Variants in LETM1 observed in about 807,000 individuals in gnomAD.
The protein encoded by LETM1 is leucine zipper and EF-hand containing transmembrane protein 1.
A neutral mutation model predicts 74.5 loss-of-function variants in LETM1; 50 were observed. The observed-to-expected ratio is 0.67, with a 90% CI of 0.53 to 0.85. The LOEUF is 0.85. Among genes scored for constraint, LETM1 ranks in the 40% least tolerant of loss-of-function variants. The probability of loss-of-function intolerance (pLI) is 0.00; values close to 1 mark genes in which losing one functional copy is unlikely to be tolerated. For synonymous variants in LETM1, 446 were observed against 407.1 expected, an observed-to-expected ratio of 1.10 and a Z score of -1.15; for missense variants, 824 against 967.8, an observed-to-expected ratio of 0.85 and a Z score of 1.97.
intron 6 of LETM1, among the ~76,000 whole-genome samples, chr4:1,829,537 AG>A (rs1443674051): frequency 3.3e-5 from 5 of 152,278 alleles, no homozygotes; most frequent in Non-Finnish European, 5.9e-5. Context: ...GTTCTTGGCC[AG>A]GAACAGTGGC....
rs1050834316 is a variant in LETM1, at chr4:1,823,917, C to G, written c.1201-142G>C. 3.0e-5 allele frequency: 30 copies of G among 983,966 alleles called. No individual in the cohort carries two copies. In the African/African-American group the frequency reaches 4.9e-4, roughly 16 times the overall value. The allele number at this position is 983,966 out of a possible 1,614,324, so 61.0% of individuals were successfully genotyped here. ...ACAAGGTCTGTTTGTTGCTGTGCTG[C>G]GTGACCCGATGACGGCGTTAGTAAA... On this transcript the variant is annotated intron_variant, in intron 7 of 13. Transcript: ENST00000302787.
At position 1,816,729 on chromosome 4, in the gene LETM1, C is replaced by T. The variant is rs181682155; in HGVS notation, c.1929G>A (p.Thr643=). The change falls in exon 12 of 14, where the codon ACG becomes ACA. Residue 643 remains threonine (T), a splice_region_variant and synonymous_variant. Transcript: ENST00000302787. ...CCCGCGCCCACCACCCCACTCACCC[C>T]GTGGGCATGCCGTTGGCCGGGGCCA... is the stretch of plus-strand genomic sequence containing the variant. ...GKLAPANGMP[T]GENVISVAEL... The T allele has an allele frequency of 2.4e-5, 38 of 1,613,844 alleles. No individual in the cohort carries two copies. Among genetic ancestry groups the T allele is most frequent in the East Asian group, 2.2e-4 (10 of 44,872 alleles).
Position 1,820,068 on chromosome 4 carries a change from C to T in LETM1, c.1609-596G>A, listed in dbSNP as rs561818858. 3.9e-5 allele frequency among the ~76,000 whole-genome samples: 6 copies of T among 152,318 alleles called. 1 individual carries two copies. Among genetic ancestry groups the T allele is most frequent in the African/African-American group, 1.2e-4 (5 of 41,566 alleles). On this transcript the variant is annotated intron_variant, in intron 10 of 13. Transcript: ENST00000302787. ...TCTCCTGCCTCAGCCTCCCCAGGAGCTGGGACTACAGGCACACACTGACAT... is the reference window on the plus strand; with the variant it reads ...TCTCCTGCCTCAGCCTCCCCAGGAGTTGGGACTACAGGCACACACTGACAT...
chr4:1,855,893 G>A lies in LETM1; in HGVS notation c.58C>T (p.Pro20Ser). Residue 20 changes from proline (P) to serine (S), a missense_variant, in exon 1 of 14, where the codon CCG becomes TCG. Pro to Ser is a moderately conservative substitution (Grantham distance 74). This residue lies in a region of LETM1 where 222 missense variants were observed against 195.6 expected (regional missense o/e 1.14). Coordinates refer to ENST00000302787, the MANE Select transcript of LETM1 (RefSeq NM_012318.3). ...CCCCGCGGGACGGTGTACCGAGGCG[G>A]CGGCGGGAGGCGGGCGGGCGCCCGG... ...RGRAPARLPP[P>S]PRYTVPRGSP... The A allele has an allele frequency of 8.1e-7, 1 of 1,239,706 alleles. No homozygotes were observed. Among genetic ancestry groups the A allele is most frequent in the Non-Finnish European group, 1.0e-6 (1 of 994,598 alleles). 76.8% of individuals were successfully genotyped at this position (1,239,706 alleles called of 1,614,324 possible). A position where few individuals can be genotyped will look rare whatever the true frequency, so the allele number is the denominator to read the frequency against.
At chr4:1,821,042 C>T (rs1328139168) in intron 10 of LETM1, among the ~76,000 whole-genome samples, 1 of 152,056 alleles carries the variant, frequency 6.6e-6, no homozygotes, top group Non-Finnish European at 1.5e-5. Context: ...AAATTCAAGC[C>T]AATTTGCATT....
intron 2 of LETM1, among the ~76,000 whole-genome samples, chr4:1,842,378 T>C (rs1243540101): frequency 6.6e-6 from 1 of 152,120 alleles, no homozygotes; most frequent in African/African-American, 2.4e-5. Flanking sequence ...CCTCCTCCTC[T>C]ACCCACCTGC....
intron 3 of LETM1, among the ~76,000 whole-genome samples, chr4:1,840,065 C>CA (rs1363196622): frequency 6.6e-6 from 1 of 152,162 alleles, no homozygotes; most frequent in Non-Finnish European, 1.5e-5. Flanking sequence ...TATGTACCCA[C>CA]AAAAACAAAA....
At chr4:1,814,820 A>G (rs1242284491) in intron 13 of LETM1, among the ~76,000 whole-genome samples, 1 of 152,146 alleles carries the variant, frequency 6.6e-6, no homozygotes, top group East Asian at 1.9e-4. Context: ...AGACAGCACA[A>G]TGGGGCTGCC....
At chr4:1,825,807 C>T (rs913878700) in intron 6 of LETM1, 124 bp from the exon 7 acceptor site, 4 of 1,129,952 alleles carry the variant, frequency 3.5e-6, no homozygotes, top group African/African-American at 1.5e-5. Context: ...CCACGGCCAC[C>T]AAAGCCCAGT....
chr4:1,821,274 A>G (rs1276976194), intron 10 of LETM1, among the ~76,000 whole-genome samples: 1 of 151,752 alleles, frequency 6.6e-6, no homozygotes, highest in African/African-American at 2.4e-5. Context: ...TTGTATTTTT[A>G]GTAGAAATGG....
chr4:1,838,257 G>A (rs937805197), intron 3 of LETM1, among the ~76,000 whole-genome samples: 3 of 151,526 alleles, frequency 2.0e-5, no homozygotes, highest in South Asian at 2.1e-4. Flanking sequence ...CCGCCACCAC[G>A]ACCGGCTAAT....
chr4:1,826,863 G>C (rs941300076), intron 6 of LETM1, among the ~76,000 whole-genome samples: 1 of 152,206 alleles, frequency 6.6e-6, no homozygotes, highest in Admixed American at 6.5e-5. Context: ...TGGGGATCAC[G>C]ATACACAATC....
intron 2 of LETM1, chr4:1,846,375 T>G (rs1329286216): frequency 6.6e-6 from 1 of 152,170 alleles, no homozygotes; most frequent in Non-Finnish European, 1.5e-5. Flanking sequence ...CAAGCAATTC[T>G]CCTGCCTCAG....
intron 6 of LETM1, among the ~76,000 whole-genome samples, chr4:1,830,838 C>T (rs540896273): frequency 6.6e-6 from 1 of 152,266 alleles, no homozygotes; most frequent in East Asian, 1.9e-4. Flanking sequence ...CTGATACCTT[C>T]CTGCTTCTTG....
Position 1,823,025 on chromosome 4 carries a change from T to C in LETM1, c.1439A>G (p.His480Arg). Residue 480 changes from histidine to arginine, a missense_variant, in exon 9 of 14, where the codon CAC (histidine) becomes CGC (arginine). Physicochemically the swap from His to Arg is conservative, Grantham distance 29. Transcript: ENST00000302787. The stretch of plus-strand genomic sequence containing the variant: ...GCGCTTCTGCAGCTCCTTCTCACGG[T>C]GCTCCTGCTGGATGGCCGCCTCCTC... ...LQEEAAIQQE[H>R]REKELQKRSE... 4 of 1,608,016 alleles carry C rather than the reference T, an allele frequency of 2.5e-6. No individual in the cohort carries two copies. Among genetic ancestry groups the C allele is most frequent in the Non-Finnish European group, 3.4e-6 (4 of 1,176,652 alleles).
At chr4:1,835,061 C>A in intron 4 of LETM1, 79 bp from the exon 5 acceptor site, 1 of 1,387,662 alleles carries the variant, frequency 7.2e-7, no homozygotes. Flanking sequence ...CGCCTGTGCC[C>A]GACCCCCACT....
At chr4:1,837,589 T>C (rs756872726) in intron 3 of LETM1, among the ~76,000 whole-genome samples, 18 of 152,194 alleles carry the variant, frequency 1.2e-4, no homozygotes, top group Admixed American at 2.6e-4. Flanking sequence ...TTTTAGCAGT[T>C]CTACTGAGGT....
At chr4:1,824,190 G>A (rs973149128) in intron 7 of LETM1, among the ~76,000 whole-genome samples, 8 of 152,218 alleles carry the variant, frequency 5.3e-5, no homozygotes, top group African/African-American at 1.9e-4. Flanking sequence ...GTATAGTGGT[G>A]TGCACCTGTA....
rs2108848624 is a variant in LETM1 at position 1,836,551 on chromosome 4, G to C, written c.616C>G (p.Leu206Val). The C allele has an allele frequency of 6.2e-7, 1 of 1,613,942 alleles. No homozygotes were observed. Among genetic ancestry groups the C allele is most frequent in the Non-Finnish European group, 8.5e-7 (1 of 1,180,000 alleles). ...ACAAGGAACGGCACCAGGCGGAAGA[G>C]GTCAGCGCAGATCCGGAGAAACTGG... is the stretch of plus-strand genomic sequence containing the variant. ...RRQFLRICAD[L>V]FRLVPFLVFV... Residue 206 changes from leucine to valine, a missense_variant, in exon 4 of 14, where the codon CTC (leucine) becomes GTC (valine). By Grantham distance (32) the Leu-to-Val change is conservative. Coordinates refer to ENST00000302787, the MANE Select transcript of LETM1 (RefSeq NM_012318.3). The surrounding 1 kb of genome is among the most constrained non-coding windows in gnomAD (Gnocchi z 5.8).
Sources: gnomAD v4.1 joint callset for allele counts (sites outside exome capture counted in the v4.1 genomes callset) on GRCh38, gnomAD v4.1.1 for gene constraint, gnomAD v4.1.1 regional missense constraint, Gnocchi (gnomAD v3.1) non-coding constraint, MANE v1.5 for transcripts, NCBI Gene and HGNC (gene_info 2026-07-23, HGNC 2026-07-21) for gene names.